Variants in GPR21 observed in about 807,000 individuals in gnomAD.
GPR21 encodes the protein probable G protein-coupled receptor 21.
In GPR21, 9 loss-of-function variants were observed where a neutral mutation model predicts 21.5. That is an observed-to-expected ratio of 0.42 (90% CI 0.25 to 0.73). The LOEUF (loss-of-function observed/expected upper bound fraction) is 0.73. Among genes scored for constraint, GPR21 ranks in the 30% least tolerant of loss-of-function variants. The pLI, the probability that GPR21 is intolerant of heterozygous loss-of-function variation, is 0.27. For missense variants in GPR21, 416 were observed against 428.9 expected, an observed-to-expected ratio of 0.97 and a Z score of 0.27; for synonymous variants, 169 against 159.3, an observed-to-expected ratio of 1.06 and a Z score of -0.46.
chr9:123,042,149 C>T, the GPR21 span, among the ~76,000 whole-genome samples: 1 of 152,216 alleles, frequency 6.6e-6, no homozygotes, highest in Non-Finnish European at 1.5e-5. Flanking sequence ...TACCACACTA[C>T]ACTCTCAGAA....
chr9:123,040,008 G>A (rs867167219), downstream of GPR21, among the ~76,000 whole-genome samples: 12 of 152,260 alleles, frequency 7.9e-5, no homozygotes, highest in South Asian at 1.2e-3. Context: ...GGCTTTTAGG[G>A]AAAGTTTAAG....
At chr9:123,046,515 C>G in the GPR21 span, among the ~76,000 whole-genome samples, 1 of 152,132 alleles carries the variant, frequency 6.6e-6, no homozygotes, top group African/African-American at 2.4e-5. Flanking sequence ...CACTTACTAG[C>G]TGTGAGACCT....
chr9:123,044,088 A>G, the GPR21 span, among the ~76,000 whole-genome samples: 1 of 151,778 alleles, frequency 6.6e-6, no homozygotes, highest in East Asian at 1.9e-4. Flanking sequence ...TATTTTTAGT[A>G]GAGACGGGGT....
rs1447834384 is a variant in GPR21 at position 123,035,298 on chromosome 9, C to T, written c.732C>T (p.Ala244=). The T allele has an allele frequency of 6.2e-7, 1 of 1,614,170 alleles. No individual in the cohort carries two copies. Among genetic ancestry groups the T allele is most frequent in the African/African-American group, 1.3e-5 (1 of 75,044 alleles). ...SQSGETGEVQ[A]CPDKRYAMVL... is the part of the protein sequence containing the mutation. ...GTGGGGAGACTGGGGAAGTGCAGGCCTGTCCTGATAAGCGCTATGCCATGG... is the reference window on the plus strand; with the variant it reads ...GTGGGGAGACTGGGGAAGTGCAGGCTTGTCCTGATAAGCGCTATGCCATGG... The change falls in exon 2 of 2, where the codon GCC becomes GCT. Residue 244 remains alanine (A), a synonymous_variant. Coordinates refer to ENST00000616002, the MANE Select transcript of GPR21 (RefSeq NM_005294.3).
At chr9:123,037,611 C>G (rs892539022), downstream of GPR21, among the ~76,000 whole-genome samples, 2 of 152,064 alleles carry the variant, frequency 1.3e-5, no homozygotes, top group African/African-American at 4.8e-5. Flanking sequence ...AGAATGTAAC[C>G]TGTTCACATT....
At chr9:123,044,651 G>A in the GPR21 span, among the ~76,000 whole-genome samples, 1 of 151,614 alleles carries the variant, frequency 6.6e-6, no homozygotes, top group South Asian at 2.1e-4. Context: ...GTGTGTGTGT[G>A]TGTATGTGTA....
At chr9:123,040,907 G>A in the GPR21 span, among the ~76,000 whole-genome samples, 4 of 152,114 alleles carry the variant, frequency 2.6e-5, no homozygotes, top group African/African-American at 9.7e-5. Flanking sequence ...CTGTTATTTT[G>A]CAGAGGAGAA....
chr9:123,035,883 A>T (rs891373754), downstream of GPR21, among the ~76,000 whole-genome samples: 2 of 152,150 alleles, frequency 1.3e-5, no homozygotes, highest in African/African-American at 4.8e-5. Context: ...CTTGGAAATG[A>T]CTACAGTTCT....
chr9:123,046,173 C>G, the GPR21 span, among the ~76,000 whole-genome samples: 1 of 152,130 alleles, frequency 6.6e-6, no homozygotes, highest in East Asian at 1.9e-4. Context: ...CTATACAAAT[C>G]TCGGACATTA....
chr9:123,040,932 C>T, the GPR21 span, among the ~76,000 whole-genome samples: 1 of 152,068 alleles, frequency 6.6e-6, no homozygotes, highest in East Asian at 1.9e-4. Flanking sequence ...GCCCAGTGGC[C>T]ACTGGGTTAT....
the GPR21 span, among the ~76,000 whole-genome samples, chr9:123,048,497 T>C: frequency 5.9e-5 from 9 of 152,210 alleles, no homozygotes; most frequent in Non-Finnish European, 1.3e-4. Flanking sequence ...ATCCATAGCA[T>C]ACAACGCTTT....
chr9:123,042,396 A>T, the GPR21 span, among the ~76,000 whole-genome samples: 2 of 152,220 alleles, frequency 1.3e-5, no homozygotes, highest in African/African-American at 4.8e-5. Flanking sequence ...AGCCCAAAAC[A>T]ATCAAGCAAA....
At position 123,035,219 on chromosome 9, in the gene GPR21, G is replaced by A; in HGVS notation, c.653G>A (p.Cys218Tyr). Reference sequence around the variant, plus strand: ...ACCTATTTCAACATCTTCCGCATCTGCCAACAGCACACAAAGGATATCAGC... The same window carrying A: ...ACCTATTTCAACATCTTCCGCATCTACCAACAGCACACAAAGGATATCAGC... Reference protein sequence around the residue: ...CFTYFNIFRICQQHTKDISER... With the variant: ...CFTYFNIFRIYQQHTKDISER... The change falls in exon 2 of 2, where the codon TGC (cysteine) becomes TAC (tyrosine). Residue 218 changes from cysteine (C) to tyrosine (Y), a missense_variant. Cys to Tyr is a radical substitution (Grantham distance 194). Coordinates refer to ENST00000616002, the MANE Select transcript of GPR21 (RefSeq NM_005294.3). 1 of 1,614,150 alleles carries A rather than the reference G, an allele frequency of 6.2e-7. No individual in the cohort carries two copies. The highest frequency in any genetic ancestry group is 8.5e-7 in the Non-Finnish European group (1 of 1,180,020).
chr9:123,048,111 G>A, the GPR21 span, among the ~76,000 whole-genome samples: 3 of 151,756 alleles, frequency 2.0e-5, no homozygotes, highest in East Asian at 3.9e-4. Flanking sequence ...AGCTAATTTT[G>A]TATTTTTAGT....
Position 123,034,813 on chromosome 9 carries a change from G to T in GPR21, c.247G>T (p.Val83Leu), listed in dbSNP as rs148759411. Residue 83 changes from valine (V) to leucine (L), a missense_variant, in exon 2 of 2, where the codon GTG becomes TTG. By Grantham distance (32) the Val-to-Leu change is conservative (BLOSUM62 1). Transcript: ENST00000616002. ...TGACCTTTTTGTTGGGGTGAGCTGC[G>T]TGGTCCCTTCTTTATCACTCCTCCA... Reference protein sequence around the residue: ...YADLFVGVSCVVPSLSLLHHP... With the variant: ...YADLFVGVSCLVPSLSLLHHP... 53 of 1,613,810 alleles carry T rather than the reference G, an allele frequency of 3.3e-5. No homozygotes were observed. The highest frequency in any genetic ancestry group is 4.5e-5 in the Non-Finnish European group (53 of 1,179,884).
the GPR21 span, among the ~76,000 whole-genome samples, chr9:123,042,744 G>C: frequency 1.0e-3 from 154 of 152,254 alleles, 1 homozygote; most frequent in Non-Finnish European, 1.9e-3. Flanking sequence ...AAACAGAATA[G>C]AGGAAAAGAA....
chr9:123,034,018 G>C (rs968531389), intron 1 of GPR21, among the ~76,000 whole-genome samples, 153 bp from the exon 2 acceptor site: 2 of 152,160 alleles, frequency 1.3e-5, no homozygotes, highest in South Asian at 2.1e-4. Flanking sequence ...ATACAGTACA[G>C]ATCAGTTGTG....
the GPR21 span, among the ~76,000 whole-genome samples, chr9:123,048,365 C>A: frequency 6.6e-6 from 1 of 152,120 alleles, no homozygotes; most frequent in Non-Finnish European, 1.5e-5. Context: ...CATTTATAAG[C>A]ATTTTCTTGG....
downstream of GPR21, among the ~76,000 whole-genome samples, chr9:123,036,743 G>A (rs2032682789): frequency 6.6e-6 from 1 of 151,498 alleles, no homozygotes; most frequent in African/African-American, 2.4e-5. Context: ...AGAGGAGAAG[G>A]GAAAACACTT....
Sources: gnomAD v4.1 joint callset for allele counts (sites outside exome capture counted in the v4.1 genomes callset) on GRCh38, gnomAD v4.1.1 for gene constraint, MANE v1.5 for transcripts, NCBI Gene and HGNC (gene_info 2026-07-23, HGNC 2026-07-21) for gene names.